The following NVL variants were observed in gnomAD, a reference collection of about 807,000 sequenced individuals.
The protein encoded by NVL is nuclear valosin-containing protein-like.
Under a neutral mutation model 110.2 loss-of-function variants are expected in NVL, and 84 were observed. That is an observed-to-expected ratio of 0.76 (90% CI 0.64 to 0.91). The LOEUF is 0.91. Among genes scored for constraint, NVL ranks in the 40% least tolerant of loss-of-function variants. The probability of loss-of-function intolerance (pLI) is 0.00; values close to 1 mark genes in which losing one functional copy is unlikely to be tolerated. For missense variants in NVL, 882 were observed against 1,035.9 expected (o/e 0.85, Z 2.04); for synonymous variants, 354 against 361.1 (o/e 0.98, Z 0.22).
chr1:224,258,030 T>C (rs1663491235), intron 18 of NVL, among the ~76,000 whole-genome samples: 1 of 152,140 alleles, frequency 6.6e-6, no homozygotes, highest in Admixed American at 6.6e-5. Flanking sequence ...CCATCAAAAT[T>C]GCAAGCGGTA....
At chr1:224,291,057 T>C (rs1667331614) in intron 12 of NVL, among the ~76,000 whole-genome samples, 1 of 152,230 alleles carries the variant, frequency 6.6e-6, no homozygotes, top group African/African-American at 2.4e-5. Context: ...CTTTGTTATC[T>C]GGGCCAGTTA....
At chr1:224,319,376 C>T (rs1157067522) in intron 2 of NVL, among the ~76,000 whole-genome samples, 2 of 151,586 alleles carry the variant, frequency 1.3e-5, no homozygotes, top group African/African-American at 4.8e-5. Flanking sequence ...GGTGCAATCT[C>T]GGCTCACTGC....
chr1:224,228,917 T>C (rs1342817147), intron 22 of NVL, among the ~76,000 whole-genome samples: 7 of 69,352 alleles, frequency 1.0e-4, no homozygotes, highest in South Asian at 7.2e-4. Context: ...AGAGCGAGAC[T>C]CCGTCTCAAA....
intron 10 of NVL, among the ~76,000 whole-genome samples, chr1:224,297,006 A>G (rs1320789907): frequency 6.6e-6 from 1 of 152,234 alleles, no homozygotes; most frequent in Non-Finnish European, 1.5e-5. Context: ...TTAAATTAGC[A>G]AACCCAAGCT....
At chr1:224,295,195 T>C (rs1408668021) in intron 11 of NVL, among the ~76,000 whole-genome samples, 3 of 151,966 alleles carry the variant, frequency 2.0e-5, no homozygotes, top group South Asian at 2.1e-4. Flanking sequence ...ATACAGTGTG[T>C]TCTTTTTTTT....
Position 224,251,690 on chromosome 1 carries a change from C to T in NVL, c.2183-1372G>A, listed in dbSNP as rs180782110. Among the ~76,000 whole-genome samples the T allele has an allele frequency of 2.4e-3, 358 of 152,074 alleles. 1 individual carries two copies. The Middle Eastern group carries it at 0.031, about 13-fold the overall frequency. ...CATGTCCTTAAGTAAATGAAAAGTCCACCCCACCTTCCGGCCCCAAACTGC... is the reference window on the plus strand; with the variant it reads ...CATGTCCTTAAGTAAATGAAAAGTCTACCCCACCTTCCGGCCCCAAACTGC... On this transcript the variant is annotated intron_variant, in intron 18 of 22. Transcript: ENST00000281701.
At chr1:224,312,050 C>T (rs530781352) in intron 4 of NVL, 193 bp from the exon 5 acceptor site, 3 of 500,492 alleles carry the variant, frequency 6.0e-6, no homozygotes, top group East Asian at 6.6e-5. Context: ...CGTCAGCTTC[C>T]TTATCTATAA....
chr1:224,317,943 A>T lies in NVL; in HGVS notation c.132-13T>A. ...ACCATAGTCTATACTGAAAAAAGAA[A>T]ACAAGAAGTTTACCATAGTAGTCTC... On this transcript the variant is annotated splice_polypyrimidine_tract_variant and intron_variant, in intron 2 of 22. Transcript: ENST00000281701. 1 of 1,569,214 alleles carries T rather than the reference A, an allele frequency of 6.4e-7. No individual in the cohort carries two copies. The highest frequency in any genetic ancestry group is 8.7e-7 in the Non-Finnish European group (1 of 1,154,916).
chr1:224,295,358 AATTTTTTT>A (rs1159684890), intron 11 of NVL, among the ~76,000 whole-genome samples: 4 of 151,864 alleles, frequency 2.6e-5, no homozygotes, highest in Non-Finnish European at 2.9e-5. Flanking sequence ...ACGCCCGGCT[AATTTTTTT>A]ATTTTTTTAT....
chr1:224,321,453 A>G (rs186768957), intron 2 of NVL, among the ~76,000 whole-genome samples: 5 of 152,314 alleles, frequency 3.3e-5, no homozygotes, highest in Admixed American at 2.6e-4. Flanking sequence ...GTAGTGGCTC[A>G]TGCCTATAAT....
intron 9 of NVL, among the ~76,000 whole-genome samples, chr1:224,302,320 G>C (rs923820509): frequency 1.4e-4 from 22 of 152,000 alleles, no homozygotes; most frequent in African/African-American, 5.3e-4. Context: ...TCCTGCCTTA[G>C]CCCCCAAGTA....
intron 2 of NVL, among the ~76,000 whole-genome samples, chr1:224,323,728 A>G (rs1192024833): frequency 6.6e-6 from 1 of 152,238 alleles, no homozygotes; most frequent in Non-Finnish European, 1.5e-5. Context: ...CAGAGGGCAC[A>G]GGTCCGGCAG....
intron 1 of NVL, among the ~76,000 whole-genome samples, chr1:224,329,217 G>A (rs1462031810): frequency 6.6e-6 from 1 of 151,956 alleles, no homozygotes; most frequent in African/African-American, 2.4e-5. Context: ...GCGAGACTAT[G>A]TCTCAGAAAA....
chr1:224,256,595 T>C (rs914383666), intron 18 of NVL, among the ~76,000 whole-genome samples: 3 of 152,142 alleles, frequency 2.0e-5, no homozygotes, highest in African/African-American at 7.2e-5. Flanking sequence ...CACTTAATAT[T>C]ATGCAGTTTA....
intron 10 of NVL, among the ~76,000 whole-genome samples, chr1:224,298,905 A>C (rs1295684788): frequency 6.6e-6 from 1 of 152,212 alleles, no homozygotes; most frequent in Non-Finnish European, 1.5e-5. Flanking sequence ...CAAAAACTTA[A>C]AAAAATGTTT....
rs1485833418 is a variant in NVL at position 224,330,128 on chromosome 1, C to G, written c.-1G>C. 1.9e-6 allele frequency: 3 copies of G among 1,614,022 alleles called. No individual in the cohort carries two copies. Among genetic ancestry groups the G allele is most frequent in the Non-Finnish European group, 2.5e-6 (3 of 1,179,918 alleles). On this transcript the variant is annotated 5_prime_UTR_variant, in exon 1 of 23. Coordinates refer to ENST00000281701, the MANE Select transcript of NVL (RefSeq NM_002533.4). ...CGAACCCTGCAGGTCTGGGCTTCAT[C>G]GCGTCGGTCTTCCAAGCCACAGCTC...
intron 17 of NVL, among the ~76,000 whole-genome samples, chr1:224,269,184 C>A (rs1664803985): frequency 6.8e-6 from 1 of 147,782 alleles, no homozygotes; most frequent in Non-Finnish European, 1.5e-5. Flanking sequence ...CCCTCCTGGG[C>A]TCAAGCAGTC....
At chr1:224,238,834 A>T (rs765010922) in intron 19 of NVL, among the ~76,000 whole-genome samples, 2 of 152,190 alleles carry the variant, frequency 1.3e-5, no homozygotes, top group African/African-American at 2.4e-5. Flanking sequence ...GTGGCAAAAC[A>T]TACAAAAAAC....
At position 224,257,840 on chromosome 1, in the gene NVL, C is replaced by T. The variant is rs115660454; in HGVS notation, c.2183-7522G>A. Among the ~76,000 whole-genome samples the T allele has an allele frequency of 3.7e-3, 557 of 152,108 alleles. 7 individuals are homozygous for T. The highest frequency in any genetic ancestry group is 0.013 in the African/African-American group (524 of 41,500). ...CAGGCATGAGTCACTGCACTGGGCCCGACAAGGGATATTGACACTCAAAAG... is the reference window on the plus strand; with the variant it reads ...CAGGCATGAGTCACTGCACTGGGCCTGACAAGGGATATTGACACTCAAAAG... On this transcript the variant is annotated intron_variant, in intron 18 of 22. Transcript: ENST00000281701.
Sources: gnomAD v4.1 joint callset for allele counts (sites outside exome capture counted in the v4.1 genomes callset) on GRCh38, gnomAD v4.1.1 for gene constraint, MANE v1.5 for transcripts, NCBI Gene and HGNC (gene_info 2026-07-23, HGNC 2026-07-21) for gene names.